SBNO2: variants seen among roughly 807,000 people sequenced by gnomAD.
The protein encoded by SBNO2 is strawberry notch homolog 2.
A neutral mutation model predicts 146.3 loss-of-function variants in SBNO2; 89 were observed. That is an observed-to-expected ratio of 0.61 (90% CI 0.51 to 0.73). The LOEUF (loss-of-function observed/expected upper bound fraction) is 0.73. SBNO2 is among the 30% of genes least tolerant of loss of function. The pLI is 0.00. For synonymous variants in SBNO2, 1,147 were observed against 892.6 expected (o/e 1.29, Z -5.08); for missense variants, 2,092 against 2,003.7 (o/e 1.04, Z -0.84).
In SBNO2 at chr19:1,109,047, G is replaced by A. The variant is rs376797048; in HGVS notation, c.3426-78C>T. 10 of 1,506,274 alleles carry A rather than the reference G, an allele frequency of 6.6e-6. No individual in the cohort carries two copies. Among genetic ancestry groups the A allele is most frequent in the South Asian group, 2.5e-5 (2 of 80,108 alleles). The allele number at this position is 1,506,274 out of a possible 1,614,324, so 93.3% of individuals were successfully genotyped here. The stretch of plus-strand genomic sequence containing the variant: ...CTCCCCAGGTGCCCTGAGATCTCCC[G>A]CCTCCTCTCAGGGTCTCGGGAGCCC... On this transcript the variant is annotated intron_variant, in intron 30 of 31. Coordinates refer to ENST00000361757, the MANE Select transcript of SBNO2 (RefSeq NM_014963.3). The surrounding 1 kb of genome is among the most constrained non-coding windows in gnomAD (Gnocchi z 4.2).
Position 1,166,617 on chromosome 19 carries a change from GCACACACACACACACA to G in SBNO2, c.-127+7539_-127+7554del, listed in dbSNP as rs71932539. On this transcript the variant is annotated intron_variant, in intron 1 of 31. Transcript: ENST00000361757. ...ACAGAGCGAGACCGCAACTGCACGC[GCACACACACACACACA>G]CACACACACACACACACGCTAAAAG... Among the ~76,000 whole-genome samples the G allele has an allele frequency of 3.7e-5, 5 of 136,274 alleles. No homozygotes were observed. In the South Asian group the frequency reaches 9.7e-4, roughly 26 times the overall value. The allele number at this position is 136,274 out of a possible 152,430, so 89.4% of individuals were successfully genotyped here.
rs1359127254 is a variant in SBNO2, at chr19:1,116,038, G to A, written c.1868C>T (p.Ala623Val). The A allele has an allele frequency of 3.1e-6, 5 of 1,610,602 alleles. No individual in the cohort carries two copies. Among genetic ancestry groups the A allele is most frequent in the East Asian group, 2.2e-5 (1 of 44,770 alleles). The change falls in exon 17 of 32, where the codon GCG becomes GTG. Residue 623 changes from alanine (A) to valine (V), a missense_variant. Ala to Val is a moderately conservative substitution (Grantham distance 64, BLOSUM62 0). Transcript: ENST00000361757. ...PSTKRKRDRG[A>V]GSKRKRRPRG... Reference sequence around the variant, plus strand: ...GGGCTTACGTTTCCGCTTGCTGCCCGCTCCTCTGTCCCGCTTTCTCTTGGT... The same window carrying A: ...GGGCTTACGTTTCCGCTTGCTGCCCACTCCTCTGTCCCGCTTTCTCTTGGT...
rs879340909 is a variant in SBNO2 at position 1,108,124 on chromosome 19, G to A, written c.*96C>T. 5 of 1,317,866 alleles carry A rather than the reference G, an allele frequency of 3.8e-6. No individual in the cohort carries two copies. The Admixed American group carries it at 9.0e-5, about 24-fold the overall frequency. 81.6% of individuals were successfully genotyped at this position (1,317,866 alleles called of 1,614,324 possible). The stretch of plus-strand genomic sequence containing the variant: ...TGCGGCCAGGGCCTAGGGCTCCTCT[G>A]AGCAGTGGTCAGGGGACCTTGGCCC... On this transcript the variant is annotated 3_prime_UTR_variant, in exon 32 of 32. Coordinates refer to ENST00000361757, the MANE Select transcript of SBNO2 (RefSeq NM_014963.3).
At chr19:1,113,426 A>G in intron 19 of SBNO2, 109 bp downstream of exon 19, 1 of 1,008,482 alleles carries the variant, frequency 9.9e-7, no homozygotes. Flanking sequence ...AGGGCCGCGG[A>G]GACGCAGAGT....
chr19:1,121,220 C>T (rs2079897283), intron 11 of SBNO2, among the ~76,000 whole-genome samples: 1 of 152,222 alleles, frequency 6.6e-6, no homozygotes, highest in African/African-American at 2.4e-5. Flanking sequence ...GAAAGAAAGC[C>T]AAGTTCCAGG....
intron 4 of SBNO2, among the ~76,000 whole-genome samples, chr19:1,133,682 C>A (rs989268456): frequency 2.0e-5 from 3 of 152,208 alleles, no homozygotes; most frequent in African/African-American, 7.2e-5. Flanking sequence ...GGAAGAAACC[C>A]ACGGAGCCGC....
chr19:1,164,672 GAGGAGGAGGAGGAGGAGGAGGAAGAAC>G (rs2080389596), intron 1 of SBNO2, among the ~76,000 whole-genome samples: 3 of 51,512 alleles, frequency 5.8e-5, no homozygotes, highest in Non-Finnish European at 8.6e-5. Context: ...GGAGGAACAG[GAGGAGGAGGAGGAGGAGGAGGAAGAAC>G]AGGAGGAGGA....
rs540779760 is a variant in SBNO2 at position 1,166,912 on chromosome 19, G to T, written c.-127+7260C>A. ...AGGTCTCCCCACCTGGCTCCTTGGG[G>T]AGTGCCAAGCGTTGCCAGCAGCCGG... On this transcript the variant is annotated intron_variant, in intron 1 of 31. Transcript: ENST00000361757. Among the ~76,000 whole-genome samples the T allele has an allele frequency of 2.8e-4, 42 of 152,284 alleles. 1 individual carries two copies. The highest frequency in any genetic ancestry group is 1.0e-3 in the African/African-American group (42 of 41,578).
Position 1,108,878 on chromosome 19 carries a change from G to C in SBNO2, c.3517C>G (p.Arg1173Gly). ...ACGGCGGCGATGCGGCCCCACACGC[G>C]CAGCAGCGCGCCGCACAGCATGTAG... ...HHYMLCGALL[R>G]VWGRIAAVMA... The change falls in exon 31 of 32, where the codon CGC becomes GGC. Residue 1173 changes from arginine (R) to glycine (G), a missense_variant. Physicochemically the swap from Arg to Gly is moderately radical, Grantham distance 125. Coordinates refer to ENST00000361757, the MANE Select transcript of SBNO2 (RefSeq NM_014963.3). 1 of 1,590,644 alleles carries C rather than the reference G, an allele frequency of 6.3e-7. No homozygotes were observed. Among genetic ancestry groups the C allele is most frequent in the Non-Finnish European group, 8.5e-7 (1 of 1,175,380 alleles).
intron 2 of SBNO2, 21 bp downstream of exon 2, chr19:1,154,163 G>A (rs758179896): frequency 7.4e-5 from 86 of 1,164,192 alleles, no homozygotes; most frequent in South Asian, 2.6e-4. Context: ...CGGGTGGGCC[G>A]GGGCCGGGGG....
Position 1,108,911 on chromosome 19 carries a change from G to T in SBNO2, c.3484C>A (p.Arg1162=). 6.3e-7 allele frequency: 1 copy of T among 1,576,808 alleles called. No homozygotes were observed. Among genetic ancestry groups the T allele is most frequent in the Non-Finnish European group, 8.6e-7 (1 of 1,169,198 alleles). Residue 1162 remains arginine (R), a synonymous_variant, in exon 31 of 32, where the codon CGG becomes AGG. Transcript: ENST00000361757. ...GKDCLQGLRL[R]HHYMLCGALL... is the part of the protein sequence containing the mutation. ...GCGCCGCACAGCATGTAGTGGTGCC[G>T]CAGCCGCAGCCCCTGCAGGCAGTCC...
chr19:1,166,055 C>CA lies in SBNO2; in HGVS notation c.-127+8116dup, dbSNP rs1266841311. On this transcript the variant is annotated intron_variant, in intron 1 of 31. Coordinates refer to ENST00000361757, the MANE Select transcript of SBNO2 (RefSeq NM_014963.3). ...ACCCCAGACCCCAGATCCCAGATCCCAGACCCCAGACCCCCAGATCTCAGA... is the reference window on the plus strand; with the variant it reads ...ACCCCAGACCCCAGATCCCAGATCCCAAGACCCCAGACCCCCAGATCTCAGA... Among the ~76,000 whole-genome samples, 557 of 69,074 alleles carry CA rather than the reference C, an allele frequency of 8.1e-3. 4 individuals carry two copies. The highest frequency in any genetic ancestry group is 0.011 in the African/African-American group (143 of 13,328). The allele number at this position is 69,074 out of a possible 152,430, so 45.3% of individuals were successfully genotyped here.
chr19:1,152,316 A>C (rs1220667085), intron 2 of SBNO2, among the ~76,000 whole-genome samples: 1 of 152,130 alleles, frequency 6.6e-6, no homozygotes, highest in Non-Finnish European at 1.5e-5. Flanking sequence ...CCCACCGTAG[A>C]GCCTCTGGGG....
At chr19:1,142,764 C>G (rs767878294) in intron 4 of SBNO2, among the ~76,000 whole-genome samples, 1 of 152,040 alleles carries the variant, frequency 6.6e-6, no homozygotes, top group Non-Finnish European at 1.5e-5. Context: ...GTCAGGAGTT[C>G]GAGACCATCC....
At position 1,108,109 on chromosome 19, in the gene SBNO2, G is replaced by A. The variant is rs112384349; in HGVS notation, c.*111C>T. ...GGGCGCTGAAGGCACTGCGGCCAGG[G>A]CCTAGGGCTCCTCTGAGCAGTGGTC... On this transcript the variant is annotated 3_prime_UTR_variant, in exon 32 of 32. Transcript: ENST00000361757. The A allele has an allele frequency of 4.9e-6, 6 of 1,231,172 alleles. No homozygotes were observed. The highest frequency in any genetic ancestry group is 3.3e-5 in the African/African-American group (2 of 60,740). The allele number at this position is 1,231,172 out of a possible 1,614,324, so 76.3% of individuals were successfully genotyped here.
intron 23 of SBNO2, 85 bp downstream of exon 23, chr19:1,111,911 T>G: frequency 9.2e-6 from 11 of 1,196,000 alleles, no homozygotes; most frequent in African/African-American, 1.6e-5. Flanking sequence ...AGCCCCCATC[T>G]ACCCCCTCCC....
intron 17 of SBNO2, among the ~76,000 whole-genome samples, chr19:1,114,853 T>G (rs754087493): frequency 2.0e-5 from 3 of 151,968 alleles, no homozygotes; most frequent in Non-Finnish European, 4.4e-5. Context: ...CAGGATGGTG[T>G]CGATCTCCTG....
In SBNO2 at chr19:1,150,566, G is replaced by T. The variant is rs2080233509; in HGVS notation, c.94-1124C>A. 6.6e-6 allele frequency among the ~76,000 whole-genome samples: 1 copy of T among 151,996 alleles called. No individual in the cohort carries two copies. Among genetic ancestry groups the T allele is most frequent in the Admixed American group, 6.6e-5 (1 of 15,262 alleles). On this transcript the variant is annotated intron_variant, in intron 2 of 31. Coordinates refer to ENST00000361757, the MANE Select transcript of SBNO2 (RefSeq NM_014963.3). This position sits in a 1 kb window ranked among gnomAD's most constrained non-coding sequence, Gnocchi z 6.2. The stretch of plus-strand genomic sequence containing the variant: ...ACCCTGCCGTCACGGACGCCCCCGT[G>T]GTCATGGGGGAGACACCACCAGCCG...
At chr19:1,164,603 C>CAGGAGG (rs144254935) in intron 1 of SBNO2, among the ~76,000 whole-genome samples, 2 of 986 alleles carry the variant, frequency 2.0e-3, no homozygotes, top group African/African-American at 4.6e-3. Flanking sequence ...GCAGTGGAGA[C>CAGGAGG]AGGAGGAGGA....
Sources: gnomAD v4.1 joint callset for allele counts (sites outside exome capture counted in the v4.1 genomes callset) on GRCh38, gnomAD v4.1.1 for gene constraint, Gnocchi (gnomAD v3.1) non-coding constraint, MANE v1.5 for transcripts, NCBI Gene and HGNC (gene_info 2026-07-23, HGNC 2026-07-21) for gene names.